ANKRD36: variants seen among roughly 807,000 people sequenced by gnomAD.
ANKRD36 encodes the protein ankyrin repeat domain 36.
ANKRD36 carries 179 observed loss-of-function variants against 278.1 expected under a neutral mutation model. The observed-to-expected ratio is 0.64, with a 90% CI of 0.57 to 0.73. The LOEUF (loss-of-function observed/expected upper bound fraction) is 0.73. Among genes scored for constraint, ANKRD36 ranks in the 30% least tolerant of loss-of-function variants. The probability of loss-of-function intolerance (pLI) is 0.00; values close to 1 mark genes in which losing one functional copy is unlikely to be tolerated. For synonymous variants in ANKRD36, 320 were observed against 641.1 expected (o/e 0.50, Z 7.57); for missense variants, 1,159 against 1,956.7 (o/e 0.59, Z 7.69).
At chr2:97,177,282 C>G (rs2054558762) in intron 22 of ANKRD36, among the ~76,000 whole-genome samples, 1 of 151,856 alleles carries the variant, frequency 6.6e-6, no homozygotes, top group South Asian at 2.1e-4. Flanking sequence ...AATGCCATCC[C>G]CATCAAGCTA....
At chr2:97,208,100 C>T in intron 54 of ANKRD36, 94 bp downstream of exon 54, 6 of 1,248,892 alleles carry the variant, frequency 4.8e-6, no homozygotes, top group Non-Finnish European at 6.6e-6. Flanking sequence ...GTTGAAGCTG[C>T]ACATTCTGAT....
intron 5 of ANKRD36, 129 bp downstream of exon 5, chr2:97,124,726 A>G: frequency 1.7e-6 from 2 of 1,153,336 alleles, no homozygotes; most frequent in South Asian, 1.7e-5. Flanking sequence ...CAAATTTTCA[A>G]GTTTTTAAGT....
At position 97,207,662 on chromosome 2, in the gene ANKRD36, T is replaced by G. The variant is rs549642669; in HGVS notation, c.3164-149T>G. ...CCATTTTCTCAGCGTATTTCTGTCA[T>G]GTTCTAGTCCCCAGACACAAAGTAG... On this transcript the variant is annotated intron_variant, in intron 52 of 75. Coordinates refer to ENST00000420699, the MANE Select transcript of ANKRD36 (RefSeq NM_001354587.1). 97 of 1,305,802 alleles carry G rather than the reference T, an allele frequency of 7.4e-5. 3 individuals carry two copies. In the South Asian group the frequency reaches 9.4e-4, roughly 13 times the overall value. The allele number at this position is 1,305,802 out of a possible 1,614,324, so 80.9% of individuals were successfully genotyped here. A position where few individuals can be genotyped will look rare whatever the true frequency, so the allele number is the denominator to read the frequency against.
intron 52 of ANKRD36, among the ~76,000 whole-genome samples, chr2:97,206,557 C>T (rs1184785325): frequency 6.6e-6 from 1 of 151,244 alleles, no homozygotes. Flanking sequence ...CTAAGGAGAC[C>T]CCTGGTGTAG....
chr2:97,163,371 T>A, intron 18 of ANKRD36: 1 of 420,522 alleles, frequency 2.4e-6, no homozygotes, highest in South Asian at 1.7e-5. Flanking sequence ...TCATTAGTTA[T>A]TTGATGTGTA....
At chr2:97,118,576 CACATGTAAGGGTCAATT>C (rs2036150346) in intron 3 of ANKRD36, 59 bp downstream of exon 3, 1 of 1,341,400 alleles carries the variant, frequency 7.5e-7, no homozygotes, top group Non-Finnish European at 9.9e-7. Flanking sequence ...TTAACATTGA[CACATGTAAGGGTCAATT>C]TTTCATATTT....
chr2:97,116,480 G>A (rs990510495), intron 1 of ANKRD36, among the ~76,000 whole-genome samples: 1 of 151,920 alleles, frequency 6.6e-6, no homozygotes. Flanking sequence ...CACCATGTTG[G>A]CCAGGCTGGT....
chr2:97,135,086 G>T (rs1160567827), intron 6 of ANKRD36, among the ~76,000 whole-genome samples: 1 of 152,034 alleles, frequency 6.6e-6, no homozygotes, highest in Admixed American at 6.6e-5. Context: ...TCTTTGCAGG[G>T]ATCCTTGACC....
In ANKRD36 at chr2:97,183,726, C is replaced by T. The variant is rs1204391230; in HGVS notation, c.1939+72C>T. The T allele has an allele frequency of 1.2e-5, 17 of 1,466,820 alleles. No individual in the cohort carries two copies. The African/African-American group carries it at 2.4e-4, about 21-fold the overall frequency. The allele number at this position is 1,466,820 out of a possible 1,614,324, so 90.9% of individuals were successfully genotyped here. A position where few individuals can be genotyped will look rare whatever the true frequency, so the allele number is the denominator to read the frequency against. On this transcript the variant is annotated intron_variant, in intron 28 of 75. Coordinates refer to ENST00000420699, the MANE Select transcript of ANKRD36 (RefSeq NM_001354587.1). ...GAGAACGTCCCACCCCTGAATAGATCAGTGGGGTGTCATTGAAAATGCACT... is the reference window on the plus strand; with the variant it reads ...GAGAACGTCCCACCCCTGAATAGATTAGTGGGGTGTCATTGAAAATGCACT...
intron 66 of ANKRD36, among the ~76,000 whole-genome samples, chr2:97,219,570 C>T (rs1431534096): frequency 1.3e-5 from 2 of 149,094 alleles, no homozygotes; most frequent in African/African-American, 5.0e-5. Context: ...CAACCTCCAC[C>T]TTCCTGGTTC....
At position 97,224,447 on chromosome 2, in the gene ANKRD36, T is replaced by TG. The variant is rs1259966704; in HGVS notation, c.3878-359_3878-358insG. On this transcript the variant is annotated intron_variant, in intron 66 of 75. Transcript: ENST00000420699. ...AAGACTATCGTTTTGTTTTTTTGTT[T>TG]TTTTGTTTTTTTTTTTTTGAGACAC... 2.7e-4 allele frequency among the ~76,000 whole-genome samples: 39 copies of TG among 145,312 alleles called. 2 individuals are homozygous for TG. The highest frequency in any genetic ancestry group is 3.0e-4 in the Non-Finnish European group (20 of 67,076).
rs772393223 is a variant in ANKRD36, at chr2:97,194,840, C to T, written c.2479-5C>T. 2.4e-5 allele frequency: 38 copies of T among 1,593,806 alleles called. No individual in the cohort carries two copies. In the East Asian group the frequency reaches 5.2e-4, roughly 22 times the overall value. ...ATTTATTATTTTGTTTCAAATTCCA[C>T]TCAGGCTACAAGTGATGAGAAGGAT... On this transcript the variant is annotated splice_polypyrimidine_tract_variant and splice_region_variant and intron_variant, in intron 39 of 75. Transcript: ENST00000420699.
At chr2:97,210,912 G>C (rs1025558280) in intron 56 of ANKRD36, among the ~76,000 whole-genome samples, 3 of 151,844 alleles carry the variant, frequency 2.0e-5, no homozygotes, top group Non-Finnish European at 4.4e-5. Context: ...GAAACTTTTG[G>C]AAGTCTAAAC....
chr2:97,194,926 G>A lies in ANKRD36; in HGVS notation c.2551+9G>A, dbSNP rs1021073662. On this transcript the variant is annotated intron_variant, in intron 40 of 75. Coordinates refer to ENST00000420699, the MANE Select transcript of ANKRD36 (RefSeq NM_001354587.1). ...AGAAATATCTAGGAAAGGTAATTTT[G>A]CGAAACACATTTAATGTCATGTTCA... 7.8e-6 allele frequency: 12 copies of A among 1,544,538 alleles called. No homozygotes were observed. In the African/African-American group the frequency reaches 1.6e-4, roughly 21 times the overall value.
intron 52 of ANKRD36, 131 bp downstream of exon 52, chr2:97,206,266 T>C (rs1015956066): frequency 2.8e-5 from 31 of 1,108,848 alleles, no homozygotes; most frequent in South Asian, 6.8e-5. Flanking sequence ...TCTTCATTTG[T>C]AGTACGTTCT....
At chr2:97,197,512 A>T (rs1158780404) in intron 42 of ANKRD36, among the ~76,000 whole-genome samples, 2 of 151,906 alleles carry the variant, frequency 1.3e-5, no homozygotes, top group Non-Finnish European at 2.9e-5. Flanking sequence ...GACAAGCTTA[A>T]ATCTGAATAC....
chr2:97,220,088 TTA>T (rs1286915366), intron 66 of ANKRD36, among the ~76,000 whole-genome samples: 20 of 128,668 alleles, frequency 1.6e-4, no homozygotes, highest in African/African-American at 6.7e-4. Context: ...TGTGTGTGTT[TTA>T]TTTTTTTGTT....
chr2:97,113,964 G>A, intron 1 of ANKRD36, 28 bp downstream of exon 1: 1 of 1,599,584 alleles, frequency 6.3e-7, no homozygotes, highest in Non-Finnish European at 8.5e-7. Context: ...CCGGGGCTGC[G>A]GGAGGAGGCC....
intron 6 of ANKRD36, among the ~76,000 whole-genome samples, chr2:97,140,455 A>T (rs1224297608): frequency 6.6e-6 from 1 of 151,914 alleles, no homozygotes; most frequent in African/African-American, 2.4e-5. Context: ...CTAATTTACT[A>T]CTCAGTGCTG....
Sources: allele counts gnomAD v4.1 joint callset (sites outside exome capture counted in the v4.1 genomes callset), GRCh38; gene constraint gnomAD v4.1.1; transcripts MANE v1.5; gene names NCBI Gene and HGNC (gene_info 2026-07-23, HGNC 2026-07-21).